Variants in CSGALNACT1 observed in about 807,000 individuals in gnomAD.
The protein encoded by CSGALNACT1 is beta4GalNAcT-1.
A neutral mutation model predicts 51.0 loss-of-function variants in CSGALNACT1; 52 were observed. That is an observed-to-expected ratio of 1.02 (90% confidence interval 0.82 to 1.29). The LOEUF is 1.29. Among genes scored for constraint, CSGALNACT1 ranks in the 50% most tolerant of loss-of-function variants. The pLI is 0.00. For missense variants in CSGALNACT1, 935 were observed against 679.2 expected, an observed-to-expected ratio of 1.38 and a Z score of -4.19; for synonymous variants, 341 against 254.4, an observed-to-expected ratio of 1.34 and a Z score of -3.24.
chr8:19,488,812 A>G (rs1364807410), intron 4 of CSGALNACT1, among the ~76,000 whole-genome samples: 1 of 152,222 alleles, frequency 6.6e-6, no homozygotes, highest in Non-Finnish European at 1.5e-5. Flanking sequence ...AAGAGAAGCT[A>G]AGAACCCTGT....
intron 1 of CSGALNACT1, among the ~76,000 whole-genome samples, chr8:19,689,999 A>T (rs918517508): frequency 2.0e-5 from 3 of 152,248 alleles, no homozygotes; most frequent in Non-Finnish European, 4.4e-5. Flanking sequence ...CCAGTTCATG[A>T]ATCACTAATC....
intron 1 of CSGALNACT1, among the ~76,000 whole-genome samples, chr8:19,733,136 A>G (rs570384196): frequency 6.6e-6 from 1 of 152,360 alleles, no homozygotes; most frequent in East Asian, 1.9e-4. Context: ...GAAAAGAACA[A>G]TCAGTATCAA....
At chr8:19,544,713 G>T (rs548941851) in intron 3 of CSGALNACT1, among the ~76,000 whole-genome samples, 161 of 152,268 alleles carry the variant, frequency 1.1e-3, no homozygotes, top group Middle Eastern at 0.01. Context: ...AATTCCAGGG[G>T]TGAATTAATA....
At chr8:19,545,836 GTATA>G (rs1439028026) in intron 3 of CSGALNACT1, among the ~76,000 whole-genome samples, 2 of 147,830 alleles carry the variant, frequency 1.4e-5, no homozygotes, top group Non-Finnish European at 3.0e-5. Flanking sequence ...CATATATTAT[GTATA>G]TATAATAGTT....
chr8:19,589,623 G>A (rs759366492), intron 3 of CSGALNACT1, among the ~76,000 whole-genome samples: 3 of 152,112 alleles, frequency 2.0e-5, no homozygotes, highest in Non-Finnish European at 2.9e-5. Flanking sequence ...TAGCCACCGT[G>A]CACAGTCTAG....
chr8:19,498,771 A>G lies in CSGALNACT1; in HGVS notation c.634+6430T>C, dbSNP rs116517410. Among the ~76,000 whole-genome samples the G allele has an allele frequency of 7.5e-3, 1,148 of 152,292 alleles. 13 individuals carry two copies. Among genetic ancestry groups the G allele is most frequent in the African/African-American group, 0.026 (1,080 of 41,536 alleles). ...CATCACAAATTTTCTCTCATAACAT[A>G]TTCTTAATAGGAAACATAAGCCAGG... is the stretch of plus-strand genomic sequence containing the variant. On this transcript the variant is annotated intron_variant, in intron 4 of 9. Coordinates refer to ENST00000454498, the Ensembl canonical transcript of CSGALNACT1.
intron 1 of CSGALNACT1, among the ~76,000 whole-genome samples, chr8:19,651,531 CTGCAT>C (rs535698226): frequency 1.2e-3 from 181 of 152,258 alleles, no homozygotes; most frequent in Non-Finnish European, 1.6e-3. Flanking sequence ...TTTTCTGTTC[CTGCAT>C]TAATTCACTT....
In CSGALNACT1 at chr8:19,418,664, G is replaced by C. The variant is rs763253247; in HGVS notation, c.1219C>G (p.Gln407Glu). ...GCAGGGTAATTACTCACCAGCTGCT[G>C]TTCCAAGGGAGGGACTGCATCATGG... The change falls in exon 8 of 10, where the codon CAG becomes GAG. Residue 407 changes from glutamine to glutamate, a missense_variant. Gln to Glu is a conservative substitution (Grantham distance 29, BLOSUM62 2). Coordinates refer to ENST00000454498, the Ensembl canonical transcript of CSGALNACT1. 1.9e-5 allele frequency: 30 copies of C among 1,609,552 alleles called. No homozygotes were observed. Among genetic ancestry groups the C allele is most frequent in the Non-Finnish European group, 2.3e-5 (27 of 1,175,930 alleles).
At chr8:19,439,733 T>G in intron 6 of CSGALNACT1, 97 bp downstream of exon 5, 2 of 935,920 alleles carry the variant, frequency 2.1e-6, no homozygotes, top group Non-Finnish European at 3.4e-6. Context: ...ACCCACAGTG[T>G]AAAGGAAAAT....
At chr8:19,711,358 G>C (rs2062492884) in intron 1 of CSGALNACT1, among the ~76,000 whole-genome samples, 1 of 152,120 alleles carries the variant, frequency 6.6e-6, no homozygotes, top group South Asian at 2.1e-4. Flanking sequence ...AGTAGAAAAA[G>C]AGACAAAGGA....
intron 1 of CSGALNACT1, among the ~76,000 whole-genome samples, chr8:19,715,859 G>T (rs2062776529): frequency 6.6e-6 from 1 of 152,090 alleles, no homozygotes; most frequent in Non-Finnish European, 1.5e-5. Context: ...TTCCTCTAGT[G>T]ATACCCTGTG....
chr8:19,408,648 A>C (rs1190725177), exon 9 of CSGALNACT1: 1 of 1,613,892 alleles, frequency 6.2e-7, no homozygotes, highest in Non-Finnish European at 8.5e-7. Context: ...CTGACACGTC[A>C]TCCCAAATCC....
chr8:19,570,471 A>C (rs2042780689), intron 3 of CSGALNACT1, among the ~76,000 whole-genome samples: 1 of 152,194 alleles, frequency 6.6e-6, no homozygotes, highest in African/African-American at 2.4e-5. Context: ...AAGGAGCCAT[A>C]ACCTAATCCG....
chr8:19,682,653 A>G (rs1450106706), upstream of CSGALNACT1: 1 of 454,108 alleles, frequency 2.2e-6, no homozygotes, highest in Non-Finnish European at 4.4e-6. Flanking sequence ...AACAACAGCC[A>G]AAACCACAAG....
At chr8:19,414,556 A>G (rs2056502785) in intron 8 of CSGALNACT1, among the ~76,000 whole-genome samples, 1 of 151,208 alleles carries the variant, frequency 6.6e-6, no homozygotes, top group Non-Finnish European at 1.5e-5. Context: ...CTGCTGGTCT[A>G]TACATACAAG....
At chr8:19,634,102 A>G (rs943663575) in intron 1 of CSGALNACT1, among the ~76,000 whole-genome samples, 12 of 152,196 alleles carry the variant, frequency 7.9e-5, no homozygotes, top group Non-Finnish European at 1.6e-4. Flanking sequence ...AAGCTAGTAA[A>G]TTTATAATTT....
chr8:19,496,180 C>G (rs2075408558), intron 4 of CSGALNACT1, among the ~76,000 whole-genome samples: 1 of 152,186 alleles, frequency 6.6e-6, no homozygotes, highest in South Asian at 2.1e-4. Flanking sequence ...GGGCCCAACA[C>G]TACTCATAAC....
chr8:19,446,552 C>T (rs554866492), intron 5 of CSGALNACT1, among the ~76,000 whole-genome samples: 99 of 152,246 alleles, frequency 6.5e-4, no homozygotes, highest in Non-Finnish European at 1.1e-3. Flanking sequence ...GAGAGAGTCT[C>T]GCTCTCTCAC....
Position 19,637,423 on chromosome 8 carries a change from G to A in CSGALNACT1, c.-543-35558C>T, listed in dbSNP as rs117020884. 3.8e-3 allele frequency among the ~76,000 whole-genome samples: 579 copies of A among 152,096 alleles called. 3 individuals carry two copies. Among genetic ancestry groups the A allele is most frequent in the Non-Finnish European group, 5.9e-3 (401 of 67,990 alleles). On this transcript the variant is annotated intron_variant, in intron 1 of 9. Transcript: ENST00000332246. ...TTTTATTTTACTGTTTCTCTTTCCG[G>A]TTTATAATGTTCTCTTTTTTGTATG...
Sources: gnomAD v4.1 joint callset for allele counts (sites outside exome capture counted in the v4.1 genomes callset) on GRCh38, gnomAD v4.1.1 for gene constraint, MANE v1.5 for transcripts, NCBI Gene and HGNC (gene_info 2026-07-23, HGNC 2026-07-21) for gene names.